ATP10B: variants seen among roughly 807,000 people sequenced by gnomAD.
ATP10B encodes the protein phospholipid-transporting ATPase VB.
In ATP10B, 122 loss-of-function variants were observed where a neutral mutation model predicts 141.2. The observed-to-expected ratio is 0.86, with a 90% CI of 0.75 to 1.00. ATP10B has a LOEUF of 1.00. ATP10B is among the 50% of genes least tolerant of loss of function. ATP10B has a pLI of 0.00. For missense variants in ATP10B, 1,876 were observed against 1,825.3 expected (o/e 1.03, Z -0.51); for synonymous variants, 685 against 692.0 (o/e 0.99, Z 0.16).
rs756636124 is a variant in ATP10B, at chr5:160,565,545, T to A, written c.4294A>T (p.Arg1432Trp). Residue 1432 changes from arginine (R) to tryptophan (W), a missense_variant, in exon 26 of 26, where the codon AGG becomes TGG. Coordinates refer to ENST00000327245, the MANE Select transcript of ATP10B (RefSeq NM_025153.3). ...SSGEHLLGPN[R>W]IMAYSRGQTD... ...TGTCCTCTTGAGTAGGCCATTATCC[T>A]GTTAGGTCCCAGCAGGTGCTCCCCG... The A allele has an allele frequency of 6.2e-7, 1 of 1,614,100 alleles. No homozygotes were observed. The highest frequency in any genetic ancestry group is 1.1e-5 in the South Asian group (1 of 91,084).
Position 160,785,669 on chromosome 5 carries a change from A to T in ATP10B, c.-441T>A. The T allele has an allele frequency of 7.8e-7, 1 of 1,287,936 alleles. No individual in the cohort carries two copies. The highest frequency in any genetic ancestry group is 1.0e-6 in the Non-Finnish European group (1 of 987,722). The allele number at this position is 1,287,936 out of a possible 1,614,324, so 79.8% of individuals were successfully genotyped here. A position where few individuals can be genotyped will look rare whatever the true frequency, so the allele number is the denominator to read the frequency against. ...CATGTGTAAGAAATGGTAGTTTCTCATCTTGGCAGTGGAGAGGAGTTCATT... is the reference window on the plus strand; with the variant it reads ...CATGTGTAAGAAATGGTAGTTTCTCTTCTTGGCAGTGGAGAGGAGTTCATT... On this transcript the variant is annotated 5_prime_UTR_variant, in exon 2 of 26. An upstream start codon of the reference 5' UTR is lost. Coordinates refer to ENST00000327245, the MANE Select transcript of ATP10B (RefSeq NM_025153.3).
intron 1 of ATP10B, among the ~76,000 whole-genome samples, chr5:160,799,571 A>G (rs950733047): frequency 6.6e-6 from 1 of 152,306 alleles, no homozygotes; most frequent in East Asian, 1.9e-4. Flanking sequence ...GCGAGAGAGC[A>G]TGTTTCTTCT....
the ATP10B span, among the ~76,000 whole-genome samples, chr5:160,889,961 T>TCTC: frequency 1.3e-5 from 2 of 152,164 alleles, no homozygotes; most frequent in East Asian, 3.9e-4. Flanking sequence ...TCTTGATCCC[T>TCTC]CTCCTCCTCC....
At chr5:160,885,680 G>GAC in the ATP10B span, among the ~76,000 whole-genome samples, 1 of 152,216 alleles carries the variant, frequency 6.6e-6, no homozygotes, top group African/African-American at 2.4e-5. Context: ...GCATCAGCAT[G>GAC]ACACTGAAAG....
chr5:160,642,095 A>G (rs1200833761), intron 9 of ATP10B, among the ~76,000 whole-genome samples: 2 of 152,178 alleles, frequency 1.3e-5, no homozygotes, highest in Admixed American at 1.3e-4. Context: ...GGGGCAGTGG[A>G]TAAGAGTGTG....
chr5:160,861,638 ATTAT>A, the ATP10B span, among the ~76,000 whole-genome samples: 6 of 151,978 alleles, frequency 3.9e-5, no homozygotes, highest in Non-Finnish European at 7.4e-5. Context: ...GACATTCATA[ATTAT>A]TTATGCTGAA....
chr5:160,830,619 G>A (rs1775002221), intron 1 of ATP10B, among the ~76,000 whole-genome samples: 1 of 151,750 alleles, frequency 6.6e-6, no homozygotes, highest in African/African-American at 2.4e-5. Flanking sequence ...TGTAATCTAT[G>A]TTCATTAGAA....
In ATP10B at chr5:160,817,585, A is replaced by G. The variant is rs115013693; in HGVS notation, c.-575-31782T>C. ...ATGGCCATATTGCCCAAGGTAATTT[A>G]AAGATTTTATGCCATCCCCATCAAG... On this transcript the variant is annotated intron_variant, in intron 1 of 25. Transcript: ENST00000327245. Among the ~76,000 whole-genome samples the G allele has an allele frequency of 6.0e-3, 919 of 152,332 alleles. 12 individuals carry two copies. The highest frequency in any genetic ancestry group is 0.021 in the African/African-American group (886 of 41,588).
chr5:160,808,359 C>T (rs901129648), intron 1 of ATP10B, among the ~76,000 whole-genome samples: 1 of 152,166 alleles, frequency 6.6e-6, no homozygotes, highest in Non-Finnish European at 1.5e-5. Flanking sequence ...GAGGACAATA[C>T]TTTGAGCATG....
At chr5:160,625,469 C>A (rs956894124) in intron 13 of ATP10B, among the ~76,000 whole-genome samples, 3 of 152,138 alleles carry the variant, frequency 2.0e-5, no homozygotes, top group African/African-American at 7.2e-5. Flanking sequence ...CTTACTGCCA[C>A]AGGTACCCAA....
intron 18 of ATP10B, chr5:160,612,009 C>T (rs868606368): frequency 1.3e-5 from 2 of 152,234 alleles, no homozygotes; most frequent in Non-Finnish European, 2.9e-5. Flanking sequence ...AAAATCAAAA[C>T]GGTGTTATAG....
At chr5:160,769,509 A>G (rs1267270593) in intron 2 of ATP10B, among the ~76,000 whole-genome samples, 1 of 152,214 alleles carries the variant, frequency 6.6e-6, no homozygotes, top group Non-Finnish European at 1.5e-5. Flanking sequence ...GTGTGCAAAT[A>G]AGCACTCACA....
the ATP10B span, among the ~76,000 whole-genome samples, chr5:160,894,293 C>T: frequency 2.0e-5 from 3 of 151,924 alleles, no homozygotes; most frequent in Non-Finnish European, 2.9e-5. Context: ...TGCAAGGAAG[C>T]TAAGAACCTT....
intron 25 of ATP10B, among the ~76,000 whole-genome samples, chr5:160,567,160 C>T (rs756357582): frequency 7.2e-5 from 11 of 152,116 alleles, no homozygotes; most frequent in Non-Finnish European, 8.8e-5. Context: ...TTCATTTATT[C>T]AACAAATGCT....
chr5:160,864,773 A>G, the ATP10B span, among the ~76,000 whole-genome samples: 35 of 152,090 alleles, frequency 2.3e-4, no homozygotes, highest in African/African-American at 7.0e-4. Flanking sequence ...CTGTACATCA[A>G]CAACACAAAT....
At chr5:160,668,926 G>A (rs550215283) in intron 7 of ATP10B, among the ~76,000 whole-genome samples, 92 of 152,296 alleles carry the variant, frequency 6.0e-4, no homozygotes, top group South Asian at 1.9e-3. Context: ...GGCAAGGCAA[G>A]GTACAATGAC....
chr5:160,823,110 G>A (rs1044799797), intron 1 of ATP10B, among the ~76,000 whole-genome samples: 1 of 147,824 alleles, frequency 6.8e-6, no homozygotes, highest in African/African-American at 2.5e-5. Flanking sequence ...TTACCCTGAT[G>A]TGATTATTAC....
chr5:160,926,810 G>A, the ATP10B span, among the ~76,000 whole-genome samples: 1 of 152,232 alleles, frequency 6.6e-6, no homozygotes. Flanking sequence ...CTGCCTAGAA[G>A]TCACTTCCTC....
chr5:160,813,162 G>C (rs1773296286), intron 1 of ATP10B, among the ~76,000 whole-genome samples: 2 of 152,200 alleles, frequency 1.3e-5, no homozygotes, highest in African/African-American at 4.8e-5. Flanking sequence ...AGTGCACCGA[G>C]CATGAGCCGA....
Sources: gnomAD v4.1 joint callset for allele counts (sites outside exome capture counted in the v4.1 genomes callset) on GRCh38, gnomAD v4.1.1 for gene constraint, MANE v1.5 for transcripts, NCBI Gene and HGNC (gene_info 2026-07-23, HGNC 2026-07-21) for gene names.